The following OBI1 variants were observed in gnomAD, a reference collection of about 807,000 sequenced individuals.
OBI1 encodes ring finger protein 219.
Under a neutral mutation model 62.4 loss-of-function variants are expected in OBI1, and 59 were observed. The observed-to-expected ratio is 0.95, with a 90% CI of 0.77 to 1.17. The LOEUF (loss-of-function observed/expected upper bound fraction) is 1.17, where lower values mean the gene tolerates loss of function less well. OBI1 is among the 50% of genes most tolerant of loss of function. The pLI, the probability that OBI1 is intolerant of heterozygous loss-of-function variation, is 0.00. For synonymous variants in OBI1, 302 were observed against 292.8 expected (o/e 1.03, Z -0.32); for missense variants, 875 against 830.9 (o/e 1.05, Z -0.65).
Position 78,642,119 on chromosome 13 carries a change from T to C in OBI1, c.300+3A>G, listed in dbSNP as rs943570931. 1.3e-6 allele frequency: 2 copies of C among 1,553,648 alleles called. No individual in the cohort carries two copies. Among genetic ancestry groups the C allele is most frequent in the African/African-American group, 1.4e-5 (1 of 73,808 alleles). On this transcript the variant is annotated splice_donor_region_variant and intron_variant, in intron 3 of 5. Coordinates refer to ENST00000282003, the MANE Select transcript of OBI1 (RefSeq NM_024546.4). ...ATAATTTTAAACTTTGATTACTGTT[T>C]ACCTCATATTCTTTGTGTAGTAATT...
At chr13:78,654,880 C>G (rs1876652538) in intron 1 of OBI1, among the ~76,000 whole-genome samples, 2 of 152,180 alleles carry the variant, frequency 1.3e-5, no homozygotes, top group Admixed American at 1.3e-4. Context: ...CATATCCATT[C>G]ATTCCAGCAC....
chr13:78,624,091 T>C (rs1291852748), intron 5 of OBI1, among the ~76,000 whole-genome samples: 1 of 152,184 alleles, frequency 6.6e-6, no homozygotes, highest in Non-Finnish European at 1.5e-5. Context: ...CAACTACAAG[T>C]AAAAGATGTT....
intron 5 of OBI1, among the ~76,000 whole-genome samples, chr13:78,634,054 C>T (rs993845916): frequency 5.7e-5 from 8 of 140,622 alleles, no homozygotes; most frequent in Admixed American, 1.5e-4. Context: ...GGCGACAGAG[C>T]AAGACTCCGT....
At position 78,632,819 on chromosome 13, in the gene OBI1, C is replaced by T. The variant is rs189847971; in HGVS notation, c.638+2291G>A. 2.0e-5 allele frequency among the ~76,000 whole-genome samples: 3 copies of T among 152,268 alleles called. No homozygotes were observed. In the East Asian group the frequency reaches 5.8e-4, roughly 30 times the overall value. On this transcript the variant is annotated intron_variant, in intron 5 of 5. Coordinates refer to ENST00000282003, the MANE Select transcript of OBI1 (RefSeq NM_024546.4). Reference sequence around the variant, plus strand: ...ATACCTCAATGCATTGCAAATTGATCTGGAATACGGTTTTCAGCTCAAATC... The same window carrying T: ...ATACCTCAATGCATTGCAAATTGATTTGGAATACGGTTTTCAGCTCAAATC...
At chr13:78,635,994 C>T (rs1876019322) in intron 4 of OBI1, among the ~76,000 whole-genome samples, 1 of 152,240 alleles carries the variant, frequency 6.6e-6, no homozygotes, top group East Asian at 1.9e-4. Context: ...AACTTTTGGC[C>T]TCAAGTGATC....
chr13:78,641,006 A>C (rs9601105), intron 3 of OBI1, among the ~76,000 whole-genome samples: 55,997 of 151,956 alleles, frequency 0.37, 10,636 homozygotes, highest in African/African-American at 0.39. Context: ...CACTCTGGAA[A>C]TGTTTATTAT....
intron 1 of OBI1, among the ~76,000 whole-genome samples, chr13:78,656,746 G>A (rs1309470054): frequency 8.2e-6 from 1 of 122,426 alleles, no homozygotes; most frequent in Non-Finnish European, 1.7e-5. Flanking sequence ...GGGGGGGGAG[G>A]AGCCTGTTTA....
chr13:78,624,375 AT>A (rs1431691419), intron 5 of OBI1, among the ~76,000 whole-genome samples: 3 of 152,214 alleles, frequency 2.0e-5, no homozygotes, highest in African/African-American at 7.2e-5. Context: ...TAAAAGTACC[AT>A]TTAAAAATCA....
intron 5 of OBI1, among the ~76,000 whole-genome samples, chr13:78,631,849 G>C (rs2137442907): frequency 6.6e-6 from 1 of 152,230 alleles, no homozygotes; most frequent in Admixed American, 6.5e-5. Flanking sequence ...GTATAGCAGA[G>C]GAGACAAATG....
intron 5 of OBI1, among the ~76,000 whole-genome samples, chr13:78,627,404 C>T (rs1222846510): frequency 6.7e-6 from 1 of 149,882 alleles, no homozygotes; most frequent in South Asian, 2.1e-4. Flanking sequence ...ACCTACTGAC[C>T]CATCCTCTAA....
In OBI1 at chr13:78,616,447, A is replaced by C; in HGVS notation, c.1314T>G (p.Ser438=). Residue 438 remains serine, a synonymous_variant, in exon 6 of 6, where the codon TCT becomes TCG. Transcript: ENST00000282003. ...FDDFCDSSNV[S]NKDSSEDDIS... is the part of the protein sequence containing the mutation. ...TATCATCTTCTGAAGAATCTTTATT[A>C]GAAACATTTGAAGAATCACAAAAAT... The C allele has an allele frequency of 6.2e-7, 1 of 1,613,464 alleles. No homozygotes were observed. The highest frequency in any genetic ancestry group is 8.5e-7 in the Non-Finnish European group (1 of 1,179,922).
Position 78,615,877 on chromosome 13 carries a change from G to A in OBI1, c.1884C>T (p.Leu628=), listed in dbSNP as rs778296738. The A allele has an allele frequency of 6.2e-7, 1 of 1,614,136 alleles. No homozygotes were observed. Among genetic ancestry groups the A allele is most frequent in the Non-Finnish European group, 8.5e-7 (1 of 1,180,016 alleles). Residue 628 remains leucine (L), a synonymous_variant, in exon 6 of 6, where the codon CTC becomes CTT. Coordinates refer to ENST00000282003, the MANE Select transcript of OBI1 (RefSeq NM_024546.4). The part of the protein sequence containing the change: ...SDQEMNEDFS[L]HSSSCPVTNE... The stretch of plus-strand genomic sequence containing the variant: ...TAGTTACTGGACAAGAACTGGAATG[G>A]AGTGAAAAATCTTCATTCATTTCTT...
chr13:78,658,122 G>A (rs1593805190), intron 1 of OBI1, among the ~76,000 whole-genome samples: 1 of 152,192 alleles, frequency 6.6e-6, no homozygotes, highest in Non-Finnish European at 1.5e-5. Context: ...TGCTCTAGAA[G>A]TTTGTATTTC....
chr13:78,627,957 G>C (rs188938280), intron 5 of OBI1, among the ~76,000 whole-genome samples: 12 of 152,094 alleles, frequency 7.9e-5, no homozygotes, highest in African/African-American at 2.7e-4. Context: ...GATACTGGGG[G>C]CTTTGGAAAT....
At chr13:78,649,080 C>G (rs1031135050) in intron 1 of OBI1, among the ~76,000 whole-genome samples, 6 of 152,130 alleles carry the variant, frequency 3.9e-5, no homozygotes, top group Non-Finnish European at 7.4e-5. Flanking sequence ...AGGTAAAAAT[C>G]AAGAATTCTG....
At chr13:78,642,004 A>C (rs1275508191) in intron 3 of OBI1, 118 bp downstream of exon 3, 22 of 456,414 alleles carry the variant, frequency 4.8e-5, no homozygotes, top group Non-Finnish European at 3.9e-6. Flanking sequence ...TTCTTTTTAT[A>C]GGCTTTTAAA....
chr13:78,620,941 C>T (rs1875490552), intron 5 of OBI1, among the ~76,000 whole-genome samples: 1 of 152,112 alleles, frequency 6.6e-6, no homozygotes, highest in East Asian at 1.9e-4. Context: ...ATGGCAATTC[C>T]AACAAAATGG....
At chr13:78,653,903 G>T (rs1876618825) in intron 1 of OBI1, among the ~76,000 whole-genome samples, 1 of 151,988 alleles carries the variant, frequency 6.6e-6, no homozygotes, top group Non-Finnish European at 1.5e-5. Context: ...AATGACTATG[G>T]TAGGGGCACC....
At chr13:78,642,000 TTA>T in intron 3 of OBI1, 120 bp downstream of exon 3, 1 of 451,028 alleles carries the variant, frequency 2.2e-6, no homozygotes, top group East Asian at 3.4e-5. Flanking sequence ...CAATTTCTTT[TTA>T]TAGGCTTTTA....
Sources: allele counts gnomAD v4.1 joint callset (sites outside exome capture counted in the v4.1 genomes callset), GRCh38; gene constraint gnomAD v4.1.1; transcripts MANE v1.5; gene names NCBI Gene and HGNC (gene_info 2026-07-23, HGNC 2026-07-21).